The following RALGDS variants were observed in gnomAD, a reference collection of about 807,000 sequenced individuals.
RALGDS encodes the protein ral guanine nucleotide exchange factor.
Under a neutral mutation model 99.8 loss-of-function variants are expected in RALGDS, and 44 were observed. The ratio of observed to expected loss-of-function variants is 0.44; its 90% CI spans 0.35 to 0.57. The LOEUF is 0.57. Ranked by LOEUF, RALGDS falls within the 20% of genes least tolerant of loss-of-function variation. RALGDS has a pLI of 0.01. For missense variants in RALGDS, 1,022 were observed against 1,203.1 expected, an observed-to-expected ratio of 0.85 and a Z score of 2.23; for synonymous variants, 529 against 505.0, an observed-to-expected ratio of 1.05 and a Z score of -0.64.
chr9:133,135,185 G>C (rs1354983197), upstream of RALGDS, among the ~76,000 whole-genome samples: 1 of 152,174 alleles, frequency 6.6e-6, no homozygotes, highest in Non-Finnish European at 1.5e-5. Context: ...AGGCTAGGGA[G>C]ACCCGGGGAC....
At chr9:133,100,973 T>A (rs1271112396) in intron 16 of RALGDS, 2 of 1,047,030 alleles carry the variant, frequency 1.9e-6, no homozygotes, top group Non-Finnish European at 2.3e-6. Context: ...GGGTTACAAA[T>A]GGTTCATCTG....
chr9:133,101,537 T>A lies in RALGDS; in HGVS notation c.2437A>T (p.Met813Leu). The A allele has an allele frequency of 1.9e-6, 3 of 1,612,332 alleles. No homozygotes were observed. The highest frequency in any genetic ancestry group is 1.7e-6 in the Non-Finnish European group (2 of 1,180,024). Residue 813 changes from methionine to leucine, a missense_variant, in exon 16 of 18, where the codon ATG becomes TTG. Met to Leu is a conservative substitution (Grantham distance 15). Transcript: ENST00000372050. ...RVSLDVDNGN[M>L]YKSILVTSQD... is the part of the protein sequence containing the mutation. The stretch of plus-strand genomic sequence containing the variant: ...CGGCTTACCAGGATGCTCTTGTACA[T>A]GTTGCCATTGTCCACGTCCAGGCTG...
Position 133,102,673 on chromosome 9 carries a change from G to C in RALGDS, c.1914-102C>G, listed in dbSNP as rs1244727059. ...AGTCGGGGTGCCCCGGCCATCCTCA[G>C]GCAACAGGGGCTGAGGCTGACCATG... On this transcript the variant is annotated intron_variant, in intron 13 of 17. Transcript: ENST00000372050. 4.4e-6 allele frequency: 7 copies of C among 1,605,126 alleles called. No homozygotes were observed. The African/African-American group carries it at 9.4e-5, about 21-fold the overall frequency.
chr9:133,127,757 C>T (rs1034515767), intron 1 of RALGDS, among the ~76,000 whole-genome samples: 19 of 152,220 alleles, frequency 1.2e-4, no homozygotes, highest in Non-Finnish European at 2.6e-4. Context: ...TCCCCACAGG[C>T]GAGAGGCTGA....
Position 133,102,143 on chromosome 9 carries a change from G to A in RALGDS, c.2010-4C>T. ...CTCAGTGCTGGGGGCCTGGCGGCTG[G>A]GTGAAGAGTTGGCTTAGTTAAGGGG... On this transcript the variant is annotated splice_polypyrimidine_tract_variant and splice_region_variant and intron_variant, in intron 14 of 17. Transcript: ENST00000372050. 1 of 1,560,766 alleles carries A rather than the reference G, an allele frequency of 6.4e-7. No individual in the cohort carries two copies. The highest frequency in any genetic ancestry group is 1.7e-4 in the Middle Eastern group (1 of 5,988).
At chr9:133,105,768 C>T (rs1023871918) in intron 9 of RALGDS, among the ~76,000 whole-genome samples, 164 bp downstream of exon 9, 4 of 151,976 alleles carry the variant, frequency 2.6e-5, no homozygotes, top group African/African-American at 4.8e-5. Flanking sequence ...TCCCCCTTCA[C>T]GCACACGGGA....
At chr9:133,137,617 C>T (rs906842235) in intron 1 of RALGDS, among the ~76,000 whole-genome samples, 3 of 152,196 alleles carry the variant, frequency 2.0e-5, no homozygotes, top group African/African-American at 4.8e-5. Flanking sequence ...GCAAGCCAGG[C>T]GGGGGAAGAG....
At chr9:133,109,587 G>T (rs774580991) in intron 4 of RALGDS, 39 bp downstream of exon 4, 1 of 1,554,622 alleles carries the variant, frequency 6.4e-7, no homozygotes, top group Non-Finnish European at 8.9e-7. Flanking sequence ...CTGTTCGGTG[G>T]GGACAGGGTC....
chr9:133,120,936 G>A (rs1242036737), intron 1 of RALGDS, 36 bp downstream of exon 1: 2 of 1,466,800 alleles, frequency 1.4e-6, no homozygotes, highest in Admixed American at 2.3e-5. Context: ...GGGAGGCTCC[G>A]ACGCACCCCC....
rs1831161908 is a variant in RALGDS, at chr9:133,108,134, G to A, written c.1051C>T (p.Leu351=). 1 of 1,610,852 alleles carries A rather than the reference G, an allele frequency of 6.2e-7. No homozygotes were observed. Among genetic ancestry groups the A allele is most frequent in the Non-Finnish European group, 8.5e-7 (1 of 1,178,040 alleles). Residue 351 remains leucine, a synonymous_variant, in exon 6 of 18, where the codon CTG becomes TTG. Coordinates refer to ENST00000372050, the MANE Select transcript of RALGDS (RefSeq NM_006266.4). ...GGAACTGGTGCTGGAGCTGGCTCCAGCTCTAGAGTTTGTGAGGGAGCTGGA... is the reference window on the plus strand; with the variant it reads ...GGAACTGGTGCTGGAGCTGGCTCCAACTCTAGAGTTTGTGAGGGAGCTGGA... ...QDPAPSQTLE[L]EPAPAPVPSL... is the part of the protein sequence containing the mutation.
At chr9:133,147,034 G>T (rs1418424652) in intron 1 of RALGDS, among the ~76,000 whole-genome samples, 3 of 152,226 alleles carry the variant, frequency 2.0e-5, no homozygotes, top group Non-Finnish European at 4.4e-5. Flanking sequence ...GATGATCAAT[G>T]TCTGTTGCTG....
chr9:133,108,168 T>TGGAGCTGGCTCTAGTTCC lies in RALGDS; in HGVS notation c.999_1016dup (p.Leu335_Glu340dup), dbSNP rs764351520. On this transcript the variant is annotated inframe_insertion, in exon 6 of 18. Transcript: ENST00000372050. ...TTTGTGAGGGAGCTGGATCCTGTTC[T>TGGAGCTGGCTCTAGTTCC]GGAGCTGGCTCTAGTTCCAGAGCTG... The TGGAGCTGGCTCTAGTTCC allele has an allele frequency of 3.7e-6, 6 of 1,613,428 alleles. No homozygotes were observed. In the South Asian group the frequency reaches 6.6e-5, roughly 18 times the overall value.
In RALGDS at chr9:133,108,292, G is replaced by A. The variant is rs1052384738; in HGVS notation, c.893C>T (p.Thr298Ile). 1.1e-5 allele frequency: 17 copies of A among 1,557,526 alleles called. No homozygotes were observed. In the East Asian group the frequency reaches 1.2e-4, roughly 11 times the overall value. ...TTCTAGCTCTGAACCTGGAGCTGGT[G>A]TTGGAGCTGGCTCTGGCTCCGGGGC... The part of the protein sequence containing the change: ...APAPEPEPAP[T>I]PAPGSELEVA... Residue 298 changes from threonine (T) to isoleucine (I), a missense_variant, in exon 6 of 18, where the codon ACA (threonine) becomes ATA (isoleucine). Thr to Ile is a moderately conservative substitution (Grantham distance 89). Coordinates refer to ENST00000372050, the MANE Select transcript of RALGDS (RefSeq NM_006266.4).
upstream of RALGDS, among the ~76,000 whole-genome samples, chr9:133,134,608 C>A (rs1030680619): frequency 1.3e-5 from 2 of 152,202 alleles, no homozygotes; most frequent in African/African-American, 2.4e-5. Context: ...TTAAGGATCA[C>A]AAGTAGATTT....
intron 15 of RALGDS, 64 bp from the exon 16 acceptor site, chr9:133,101,826 A>C (rs1337885709): frequency 1.3e-6 from 2 of 1,556,028 alleles, no homozygotes; most frequent in East Asian, 2.4e-5. Flanking sequence ...GCCAGCTGCC[A>C]GATGGGGAAC....
intron 1 of RALGDS, among the ~76,000 whole-genome samples, chr9:133,143,780 C>CAAT (rs1164824243): frequency 9.6e-6 from 1 of 103,804 alleles, no homozygotes; most frequent in African/African-American, 5.1e-5. Context: ...ATAACAACAA[C>CAAT]AACAACAATA....
chr9:133,119,940 C>G (rs1471475922), intron 1 of RALGDS, among the ~76,000 whole-genome samples: 5 of 152,212 alleles, frequency 3.3e-5, no homozygotes, highest in African/African-American at 1.2e-4. Flanking sequence ...GCGCCACAGT[C>G]TAAAGCCATG....
chr9:133,149,095 C>CCGGA, exon 1 of RALGDS: 1 of 670,050 alleles, frequency 1.5e-6, no homozygotes, highest in Non-Finnish European at 2.0e-6. Context: ...GCTCATGGCG[C>CCGGA]GGCCTCCGGT....
At chr9:133,106,983 TG>T in intron 7 of RALGDS, 101 bp downstream of exon 7, 1 of 1,319,556 alleles carries the variant, frequency 7.6e-7, no homozygotes, top group African/African-American at 1.4e-5. Flanking sequence ...AGCATGCCCC[TG>T]GGAAGGGTAG....
Sources: allele counts gnomAD v4.1 joint callset (sites outside exome capture counted in the v4.1 genomes callset), GRCh38; gene constraint gnomAD v4.1.1; transcripts MANE v1.5; gene names NCBI Gene and HGNC (gene_info 2026-07-23, HGNC 2026-07-21).